Variants in CPLX4 observed in about 807,000 individuals in gnomAD.
CPLX4 encodes the protein complexin 4, also known as complexin-4.
A neutral mutation model predicts 16.1 loss-of-function variants in CPLX4; 17 were observed. That is an observed-to-expected ratio of 1.06 (90% CI 0.72 to 1.59). The LOEUF (loss-of-function observed/expected upper bound fraction) is 1.59. Among genes scored for constraint, CPLX4 ranks in the 40% most tolerant of loss-of-function variants. CPLX4 has a pLI of 0.00. For synonymous variants in CPLX4, 55 were observed against 57.8 expected (o/e 0.95, Z 0.22); for missense variants, 193 against 192.9 (o/e 1.00, Z 0.00).
chr18:59,314,687 C>G (rs1432571892), intron 1 of CPLX4, among the ~76,000 whole-genome samples: 2 of 152,196 alleles, frequency 1.3e-5, no homozygotes, highest in Non-Finnish European at 2.9e-5. Context: ...GCCCTAGAGG[C>G]AACCACCACG....
In CPLX4 at chr18:59,318,565, A is replaced by T; in HGVS notation, c.-103T>A. Reference sequence around the variant, plus strand: ...CCTCCAAATATTCTCAATGACAGCAATACATTTAAGAGCAAAGGACTTTGC... The same window carrying T: ...CCTCCAAATATTCTCAATGACAGCATTACATTTAAGAGCAAAGGACTTTGC... On this transcript the variant is annotated 5_prime_UTR_variant, in exon 1 of 3. The change creates a new upstream start codon in the 5' untranslated region. Coordinates refer to ENST00000299721, the MANE Select transcript of CPLX4 (RefSeq NM_181654.4). The T allele has an allele frequency of 4.1e-6, 6 of 1,469,050 alleles. No homozygotes were observed. The highest frequency in any genetic ancestry group is 5.4e-6 in the Non-Finnish European group (6 of 1,117,562). The allele number at this position is 1,469,050 out of a possible 1,614,324, so 91.0% of individuals were successfully genotyped here.
chr18:59,305,382 A>C (rs909161090), intron 2 of CPLX4, among the ~76,000 whole-genome samples: 4 of 151,798 alleles, frequency 2.6e-5, no homozygotes, highest in Non-Finnish European at 5.9e-5. Flanking sequence ...CAAACAAACA[A>C]AAAACAGGAA....
chr18:59,311,848 G>A (rs1197514647), intron 2 of CPLX4, among the ~76,000 whole-genome samples: 1 of 152,102 alleles, frequency 6.6e-6, no homozygotes, highest in Non-Finnish European at 1.5e-5. Flanking sequence ...TTCCCACCAG[G>A]AGACCAACGA....
chr18:59,303,706 C>T (rs1040787082), intron 2 of CPLX4, among the ~76,000 whole-genome samples: 8 of 152,292 alleles, frequency 5.3e-5, no homozygotes, highest in South Asian at 2.1e-4. Flanking sequence ...GTGAAGATGA[C>T]GTGAGAAAGC....
At chr18:59,316,411 C>A (rs1384365269) in intron 1 of CPLX4, among the ~76,000 whole-genome samples, 1 of 152,180 alleles carries the variant, frequency 6.6e-6, no homozygotes, top group Non-Finnish European at 1.5e-5. Context: ...CTTTCATTTG[C>A]TAACATTGAT....
intron 2 of CPLX4, among the ~76,000 whole-genome samples, chr18:59,298,192 C>T (rs906885256): frequency 2.0e-5 from 3 of 151,964 alleles, no homozygotes; most frequent in Admixed American, 6.6e-5. Flanking sequence ...TGGGCTCAAG[C>T]AATCCTTCCA....
intron 2 of CPLX4, among the ~76,000 whole-genome samples, chr18:59,297,454 A>T (rs144191074): frequency 6.6e-6 from 1 of 151,614 alleles, no homozygotes; most frequent in Admixed American, 6.6e-5. Flanking sequence ...ATTTTTTTGT[A>T]TTTTTAGTAG....
At chr18:59,309,085 G>C (rs1238507150) in intron 2 of CPLX4, among the ~76,000 whole-genome samples, 1 of 152,240 alleles carries the variant, frequency 6.6e-6, no homozygotes, top group Non-Finnish European at 1.5e-5. Context: ...GAGCAGGGCA[G>C]TCTGCCCAGA....
intron 2 of CPLX4, among the ~76,000 whole-genome samples, chr18:59,308,188 G>T (rs1371801004): frequency 6.6e-6 from 1 of 152,178 alleles, no homozygotes; most frequent in Non-Finnish European, 1.5e-5. Flanking sequence ...AAGCCACTGG[G>T]TAAGTTGGCT....
At chr18:59,300,653 G>T (rs1422436088) in intron 2 of CPLX4, among the ~76,000 whole-genome samples, 1 of 152,192 alleles carries the variant, frequency 6.6e-6, no homozygotes, top group Non-Finnish European at 1.5e-5. Flanking sequence ...GCTGTGGAAG[G>T]TTAATTAGAT....
chr18:59,310,482 G>A (rs1267304341), intron 2 of CPLX4, among the ~76,000 whole-genome samples: 1 of 152,204 alleles, frequency 6.6e-6, no homozygotes, highest in Non-Finnish European at 1.5e-5. Flanking sequence ...CAAGACTGCT[G>A]ATTTACCATT....
intron 2 of CPLX4, among the ~76,000 whole-genome samples, chr18:59,308,795 G>A (rs1385289228): frequency 6.6e-6 from 1 of 152,204 alleles, no homozygotes; most frequent in Non-Finnish European, 1.5e-5. Context: ...CCTGGGAAAC[G>A]TGTCTGTCCC....
chr18:59,312,168 C>A (rs902124173), intron 2 of CPLX4, among the ~76,000 whole-genome samples: 1 of 152,044 alleles, frequency 6.6e-6, no homozygotes, highest in Non-Finnish European at 1.5e-5. Context: ...AAGAGCTCAA[C>A]CAATGTGAGC....
At chr18:59,301,252 C>A (rs1248977836) in intron 2 of CPLX4, among the ~76,000 whole-genome samples, 1 of 152,242 alleles carries the variant, frequency 6.6e-6, no homozygotes, top group Non-Finnish European at 1.5e-5. Flanking sequence ...TGGGCTCTGC[C>A]TGGGCTAGGC....
chr18:59,308,163 TAAC>T (rs1253635874), intron 2 of CPLX4, among the ~76,000 whole-genome samples: 1 of 152,136 alleles, frequency 6.6e-6, no homozygotes, highest in Non-Finnish European at 1.5e-5. Flanking sequence ...TACAGTTCAA[TAAC>T]AACCAGCAGC....
At chr18:59,303,260 T>C (rs2070554149) in intron 2 of CPLX4, among the ~76,000 whole-genome samples, 1 of 152,190 alleles carries the variant, frequency 6.6e-6, no homozygotes, top group Admixed American at 6.5e-5. Context: ...TGTGGATTTG[T>C]CTTCTTGAAG....
At chr18:59,302,432 A>G (rs932593181) in intron 2 of CPLX4, among the ~76,000 whole-genome samples, 1 of 152,232 alleles carries the variant, frequency 6.6e-6, no homozygotes, top group African/African-American at 2.4e-5. Context: ...GAATGAATGA[A>G]TGAGTGAGCC....
chr18:59,316,367 C>T (rs184026031), intron 1 of CPLX4, among the ~76,000 whole-genome samples: 50 of 152,316 alleles, frequency 3.3e-4, no homozygotes, highest in African/African-American at 1.2e-3. Flanking sequence ...ATAGTCTCCC[C>T]ACTTCCTACA....
chr18:59,311,748 T>C (rs569582598), intron 2 of CPLX4, among the ~76,000 whole-genome samples: 1 of 152,144 alleles, frequency 6.6e-6, no homozygotes, highest in African/African-American at 2.4e-5. Context: ...TGAGTCAGAG[T>C]AGCAAAGTGA....
Sources: allele counts gnomAD v4.1 joint callset (sites outside exome capture counted in the v4.1 genomes callset), GRCh38; gene constraint gnomAD v4.1.1; transcripts MANE v1.5; gene names NCBI Gene and HGNC (gene_info 2026-07-23, HGNC 2026-07-21).